Variants in RASSF3 observed in about 807,000 individuals in gnomAD.
RASSF3 encodes Ras association domain family member 3.
In RASSF3, 19 loss-of-function variants were observed where a neutral mutation model predicts 19.9. The observed-to-expected ratio is 0.96, with a 90% CI of 0.67 to 1.40. The LOEUF (loss-of-function observed/expected upper bound fraction) is 1.40. Ranked by LOEUF, RASSF3 falls within the 40% of genes most tolerant of loss-of-function variation. RASSF3 has a pLI of 0.00. For missense variants in RASSF3, 306 were observed against 289.8 expected (o/e 1.06, Z -0.41); for synonymous variants, 110 against 104.2 (o/e 1.06, Z -0.34).
chr12:64,523,903 C>T (rs902325109), intron 1 of RASSF3, among the ~76,000 whole-genome samples: 1 of 152,052 alleles, frequency 6.6e-6, no homozygotes, highest in African/African-American at 2.4e-5. Flanking sequence ...AAGAGGACTT[C>T]ATCACCTCAG....
At chr12:64,677,102 G>A (rs768988143) in intron 1 of RASSF3, among the ~76,000 whole-genome samples, 7 of 152,068 alleles carry the variant, frequency 4.6e-5, no homozygotes, top group East Asian at 1.9e-4. Context: ...GTTTCACATC[G>A]TTTTATGTGG....
At chr12:64,578,301 G>A (rs537176483) in intron 2 of RASSF3, among the ~76,000 whole-genome samples, 42 of 152,050 alleles carry the variant, frequency 2.8e-4, no homozygotes, top group Admixed American at 1.6e-3. Flanking sequence ...CTTTATGTAC[G>A]TTAATTTATT....
intron 2 of RASSF3, among the ~76,000 whole-genome samples, chr12:64,554,412 C>A (rs1014589532): frequency 2.0e-5 from 3 of 152,318 alleles, no homozygotes; most frequent in African/African-American, 7.2e-5. Context: ...TCAAGAGATT[C>A]TCCTGCCTCA....
chr12:64,523,237 C>G (rs1023434672), intron 1 of RASSF3, among the ~76,000 whole-genome samples: 1 of 152,042 alleles, frequency 6.6e-6, no homozygotes, highest in African/African-American at 2.4e-5. Flanking sequence ...GAAACCCCAT[C>G]TCTATGAAAA....
chr12:64,620,614 T>C (rs1347823890), intron 1 of RASSF3, among the ~76,000 whole-genome samples: 1 of 152,236 alleles, frequency 6.6e-6, no homozygotes, highest in African/African-American at 2.4e-5. Context: ...TTGTATTTTA[T>C]TGAATTGGCG....
chr12:64,658,898 C>T (rs1872248565), intron 1 of RASSF3, among the ~76,000 whole-genome samples: 1 of 152,176 alleles, frequency 6.6e-6, no homozygotes, highest in Admixed American at 6.5e-5. Flanking sequence ...AGCGAGACCC[C>T]TGTCTCTACA....
chr12:64,662,614 T>C (rs1474655460), intron 1 of RASSF3, among the ~76,000 whole-genome samples: 1 of 152,156 alleles, frequency 6.6e-6, no homozygotes, highest in East Asian at 1.9e-4. Flanking sequence ...ATATGTTAGA[T>C]TAGTGGTCAG....
Position 64,557,060 on chromosome 12 carries a change from C to T in RASSF3, c.294+15355C>T, listed in dbSNP as rs190727157. Among the ~76,000 whole-genome samples the T allele has an allele frequency of 1.8e-3, 271 of 152,126 alleles. 1 individual carries two copies. Among genetic ancestry groups the T allele is most frequent in the African/African-American group, 6.0e-3 (248 of 41,492 alleles). ...CCATGTTGGCCAGGCTGATCTCGAC[C>T]TCCTGACCTCAGGTGATCCGCCCAC... On this transcript the variant is annotated intron_variant, in intron 2 of 5. Transcript: ENST00000637125.
intron 1 of RASSF3, among the ~76,000 whole-genome samples, chr12:64,677,272 C>T (rs1321822939): frequency 1.3e-5 from 2 of 152,226 alleles, no homozygotes; most frequent in Non-Finnish European, 2.9e-5. Flanking sequence ...AGCACGGTCA[C>T]AGGACATTTC....
chr12:64,626,496 A>AAAAAAAAAAAG (rs1870998337), intron 1 of RASSF3, among the ~76,000 whole-genome samples: 1 of 151,708 alleles, frequency 6.6e-6, no homozygotes, highest in African/African-American at 2.4e-5. Context: ...CTCAAAAAAA[A>AAAAAAAAAAAG]AAAAAAAAAG....
intron 4 of RASSF3, 140 bp from the exon 5 acceptor site, chr12:64,694,623 C>G (rs1868327995): frequency 1.1e-6 from 1 of 883,350 alleles, no homozygotes; most frequent in Admixed American, 2.2e-5. Context: ...TGGCAACACC[C>G]CAGCTCTTGC....
chr12:64,588,968 C>T (rs1274706564), intron 2 of RASSF3, among the ~76,000 whole-genome samples: 3 of 152,230 alleles, frequency 2.0e-5, no homozygotes, highest in South Asian at 2.1e-4. Flanking sequence ...TAATTTTTCA[C>T]GTGACTTCTT....
intron 1 of RASSF3, among the ~76,000 whole-genome samples, chr12:64,663,343 A>C (rs1872433941): frequency 6.6e-6 from 1 of 152,134 alleles, no homozygotes; most frequent in Admixed American, 6.6e-5. Flanking sequence ...AAGGGGGAAA[A>C]GGGTAAGAAA....
chr12:64,662,668 A>G (rs778762708), intron 1 of RASSF3, among the ~76,000 whole-genome samples: 1 of 152,192 alleles, frequency 6.6e-6, no homozygotes, highest in Non-Finnish European at 1.5e-5. Context: ...GCGTGTGTAT[A>G]TGTGTGTTGA....
intron 1 of RASSF3, among the ~76,000 whole-genome samples, chr12:64,626,488 C>CA (rs36122537): frequency 0.27 from 20,383 of 76,146 alleles, 1,809 homozygotes; most frequent in South Asian, 0.36. Context: ...ACTCTTGTCT[C>CA]AAAAAAAAAA....
intron 4 of RASSF3, 75 bp downstream of exon 4, chr12:64,691,654 T>A: frequency 1.6e-5 from 6 of 385,308 alleles, no homozygotes; most frequent in Non-Finnish European, 2.6e-5. Flanking sequence ...CCTAGTGACT[T>A]GGCTATTGAT....
intron 1 of RASSF3, among the ~76,000 whole-genome samples, chr12:64,682,285 G>A (rs1873155556): frequency 6.6e-6 from 1 of 152,048 alleles, no homozygotes. Context: ...GAGATAGGCC[G>A]GGCGCCACGA....
intron 1 of RASSF3, among the ~76,000 whole-genome samples, chr12:64,613,806 G>A (rs1464006283): frequency 1.3e-5 from 2 of 151,966 alleles, no homozygotes; most frequent in Non-Finnish European, 2.9e-5. Flanking sequence ...AAATTAGTCA[G>A]GCATGGTGGT....
intron 2 of RASSF3, among the ~76,000 whole-genome samples, chr12:64,591,778 C>G (rs926113058): frequency 6.6e-6 from 1 of 152,122 alleles, no homozygotes; most frequent in Non-Finnish European, 1.5e-5. Flanking sequence ...TGTAAACATT[C>G]ATAGAATTTC....
Sources: gnomAD v4.1 joint callset for allele counts (sites outside exome capture counted in the v4.1 genomes callset) on GRCh38, gnomAD v4.1.1 for gene constraint, MANE v1.5 for transcripts, NCBI Gene and HGNC (gene_info 2026-07-23, HGNC 2026-07-21) for gene names.